The following TBX15 variants were observed in gnomAD, a reference collection of about 807,000 sequenced individuals.
TBX15 encodes the protein T-box transcription factor TBX15.
A neutral mutation model predicts 53.9 loss-of-function variants in TBX15; 18 were observed. The observed-to-expected ratio is 0.33, with a 90% confidence interval of 0.23 to 0.49. The LOEUF (loss-of-function observed/expected upper bound fraction) is 0.49. Among genes scored for constraint, TBX15 ranks in the 20% least tolerant of loss-of-function variants. The pLI is 0.98. For missense variants in TBX15, 692 were observed against 749.5 expected (o/e 0.92, Z 0.90); for synonymous variants, 295 against 278.0 (o/e 1.06, Z -0.61).
At chr1:118,955,584 C>G (rs6662475) in intron 1 of TBX15, among the ~76,000 whole-genome samples, 48,461 of 151,900 alleles carry the variant, frequency 0.32, 8,906 homozygotes, top group East Asian at 0.57. Context: ...TGCTTTTCTG[C>G]GAGTCAAGAC....
chr1:118,926,536 A>G lies in TBX15; in HGVS notation c.495T>C (p.Ile165=), dbSNP rs1015344976. 6.2e-7 allele frequency: 1 copy of G among 1,613,764 alleles called. No individual in the cohort carries two copies. The highest frequency in any genetic ancestry group is 1.3e-5 in the African/African-American group (1 of 74,920). The change falls in exon 3 of 8, where the codon ATT becomes ATC. Residue 165 remains isoleucine (I), a synonymous_variant. Coordinates refer to ENST00000369429, the MANE Select transcript of TBX15 (RefSeq NM_001330677.2). The stretch of plus-strand genomic sequence containing the variant: ...TGTATCTTTTATTGTCCACAGGCAC[A>G]ATGTCCATTGCTATGTAGTACTGCT... ...PHQQYYIAMD[I]VPVDNKRYRY...
chr1:118,988,762 A>G (rs896559521), upstream of TBX15, among the ~76,000 whole-genome samples: 7 of 152,198 alleles, frequency 4.6e-5, no homozygotes, highest in Non-Finnish European at 1.0e-4. Flanking sequence ...GTCAGCCCCT[A>G]GGTGCTTTAG....
At chr1:118,913,399 T>C (rs1655088097) in intron 6 of TBX15, among the ~76,000 whole-genome samples, 1 of 152,184 alleles carries the variant, frequency 6.6e-6, no homozygotes. Context: ...CTCTCCTAAC[T>C]TTCCATAGGT....
intron 1 of TBX15, among the ~76,000 whole-genome samples, chr1:118,982,677 C>A (rs887445942): frequency 6.6e-6 from 1 of 152,206 alleles, no homozygotes; most frequent in African/African-American, 2.4e-5. Flanking sequence ...AGATTTTAAA[C>A]AAATTTTCTT....
intron 1 of TBX15, among the ~76,000 whole-genome samples, chr1:118,963,270 A>C (rs749997978): frequency 3.9e-5 from 6 of 152,226 alleles, no homozygotes; most frequent in Non-Finnish European, 8.8e-5. Flanking sequence ...GATTTAGGAC[A>C]CTGTTTTATC....
At chr1:118,948,184 TAA>T (rs1287089509) in intron 1 of TBX15, among the ~76,000 whole-genome samples, 1 of 152,114 alleles carries the variant, frequency 6.6e-6, no homozygotes, top group African/African-American at 2.4e-5. Context: ...GATTCTCTGT[TAA>T]GAGACATACG....
At chr1:118,952,694 A>G (rs12138343) in intron 1 of TBX15, among the ~76,000 whole-genome samples, 19,480 of 152,148 alleles carry the variant, frequency 0.13, 1,743 homozygotes, top group Non-Finnish European at 0.18. Context: ...AGTATGGCTA[A>G]ACTTCCCAAG....
At chr1:118,925,946 C>T (rs757212764) in intron 3 of TBX15, among the ~76,000 whole-genome samples, 5 of 151,856 alleles carry the variant, frequency 3.3e-5, no homozygotes, top group Non-Finnish European at 5.9e-5. Flanking sequence ...ATAAGCCATC[C>T]AAGAGACATG....
At chr1:118,930,203 G>A (rs1166742422) in intron 2 of TBX15, among the ~76,000 whole-genome samples, 1 of 151,998 alleles carries the variant, frequency 6.6e-6, no homozygotes, top group Non-Finnish European at 1.5e-5. Context: ...AGATAAACTG[G>A]ACCCAACCAA....
chr1:118,924,590 T>C, intron 4 of TBX15, 56 bp downstream of exon 4: 1 of 1,608,988 alleles, frequency 6.2e-7, no homozygotes, highest in Non-Finnish European at 8.5e-7. Flanking sequence ...GCTAGCCAGC[T>C]CTAAAGCAAA....
intron 1 of TBX15, among the ~76,000 whole-genome samples, chr1:118,986,128 A>G (rs1337746165): frequency 6.6e-6 from 1 of 152,160 alleles, no homozygotes; most frequent in Non-Finnish European, 1.5e-5. Context: ...TACAAATTCT[A>G]AGGCGTCATA....
chr1:118,973,876 G>C (rs1657327605), intron 1 of TBX15, among the ~76,000 whole-genome samples: 1 of 152,066 alleles, frequency 6.6e-6, no homozygotes, highest in Non-Finnish European at 1.5e-5. Flanking sequence ...ACCTCCTACA[G>C]TACCTACCAC....
At position 118,884,671 on chromosome 1, in the gene TBX15, T is replaced by C; in HGVS notation, c.*61A>G. On this transcript the variant is annotated 3_prime_UTR_variant, in exon 8 of 8. Transcript: ENST00000369429. ...GACACTGGACTCCCAAAGAGGAGGA[T>C]CTGACCACGGAGACTCTGGGGCCTT... is the stretch of plus-strand genomic sequence containing the variant. The C allele has an allele frequency of 1.3e-6, 2 of 1,585,742 alleles. No homozygotes were observed. The highest frequency in any genetic ancestry group is 1.7e-6 in the Non-Finnish European group (2 of 1,158,170).
chr1:118,943,729 G>C (rs1164453843), intron 1 of TBX15, among the ~76,000 whole-genome samples: 2 of 152,114 alleles, frequency 1.3e-5, no homozygotes, highest in Non-Finnish European at 2.9e-5. Context: ...GACTCCAGAT[G>C]GATAGCCTTG....
intron 2 of TBX15, among the ~76,000 whole-genome samples, chr1:118,930,055 C>G (rs1424830090): frequency 6.6e-5 from 10 of 152,118 alleles, no homozygotes; most frequent in Non-Finnish European, 1.5e-4. Flanking sequence ...CCCTAGGAAG[C>G]CTTTAATGGT....
intron 2 of TBX15, among the ~76,000 whole-genome samples, chr1:118,929,846 A>G (rs1655722166): frequency 1.9e-5 from 2 of 103,222 alleles, no homozygotes. Flanking sequence ...ATACCGGAAA[A>G]TCTTATAGAC....
chr1:118,979,721 G>A (rs1657578366), intron 1 of TBX15, among the ~76,000 whole-genome samples: 1 of 152,210 alleles, frequency 6.6e-6, no homozygotes, highest in Non-Finnish European at 1.5e-5. Flanking sequence ...ATTTCTCCAG[G>A]ATGTAATTAG....
At chr1:118,925,631 C>A (rs1446172015) in intron 3 of TBX15, among the ~76,000 whole-genome samples, 1 of 152,170 alleles carries the variant, frequency 6.6e-6, no homozygotes, top group Non-Finnish European at 1.5e-5. Flanking sequence ...CCACATGGGA[C>A]CTGGACCCTG....
chr1:118,909,964 C>T (rs544151859), intron 6 of TBX15, among the ~76,000 whole-genome samples: 3 of 152,234 alleles, frequency 2.0e-5, no homozygotes, highest in East Asian at 3.9e-4. Flanking sequence ...TTCTATGCTT[C>T]GGAGGACATA....
Sources: gnomAD v4.1 joint callset for allele counts (sites outside exome capture counted in the v4.1 genomes callset) on GRCh38, gnomAD v4.1.1 for gene constraint, MANE v1.5 for transcripts, NCBI Gene and HGNC (gene_info 2026-07-23, HGNC 2026-07-21) for gene names.